KLHL32: variants seen among roughly 807,000 people sequenced by gnomAD.
KLHL32 encodes the protein kelch-like protein 32.
In KLHL32, 35 loss-of-function variants were observed where a neutral mutation model predicts 64.8. That is an observed-to-expected ratio of 0.54 (90% CI 0.41 to 0.72). The LOEUF (loss-of-function observed/expected upper bound fraction) is 0.72. KLHL32 is among the 30% of genes least tolerant of loss of function. KLHL32 has a pLI of 0.00. For synonymous variants in KLHL32, 259 were observed against 281.0 expected, an observed-to-expected ratio of 0.92 and a Z score of 0.78; for missense variants, 589 against 768.5, an observed-to-expected ratio of 0.77 and a Z score of 2.76.
intron 1 of KLHL32, among the ~76,000 whole-genome samples, chr6:96,946,866 T>C (rs1368645586): frequency 6.6e-6 from 1 of 152,050 alleles, no homozygotes; most frequent in Non-Finnish European, 1.5e-5. Flanking sequence ...AAATGAGAAA[T>C]GATGGTAAAA....
intron 8 of KLHL32, among the ~76,000 whole-genome samples, chr6:97,129,967 T>G (rs903078507): frequency 6.6e-6 from 1 of 152,116 alleles, no homozygotes; most frequent in Admixed American, 6.6e-5. Flanking sequence ...CTTTCCCAAT[T>G]TGGCAAAAGA....
chr6:97,116,067 G>A (rs566900462), intron 7 of KLHL32, among the ~76,000 whole-genome samples: 135 of 152,228 alleles, frequency 8.9e-4, no homozygotes, highest in Non-Finnish European at 1.4e-3. Flanking sequence ...TCAGTTATTG[G>A]CAATTCACTG....
chr6:96,941,633 C>T (rs1179678980), intron 1 of KLHL32, among the ~76,000 whole-genome samples: 12 of 152,158 alleles, frequency 7.9e-5, no homozygotes, highest in South Asian at 2.1e-4. Context: ...ACGTAATCCA[C>T]GAAAGCCCCT....
At chr6:97,101,059 C>T (rs1206442214) in intron 6 of KLHL32, among the ~76,000 whole-genome samples, 2 of 149,914 alleles carry the variant, frequency 1.3e-5, no homozygotes, top group African/African-American at 2.5e-5. Context: ...CCTCCCACCT[C>T]GGCCTCCCAA....
At chr6:97,000,897 G>A (rs1287472901) in intron 3 of KLHL32, among the ~76,000 whole-genome samples, 1 of 152,124 alleles carries the variant, frequency 6.6e-6, no homozygotes, top group Non-Finnish European at 1.5e-5. Context: ...GGTGAAACTT[G>A]AATTTATATT....
intron 3 of KLHL32, among the ~76,000 whole-genome samples, chr6:96,991,408 T>G (rs1398701056): frequency 6.6e-6 from 1 of 151,750 alleles, no homozygotes; most frequent in Non-Finnish European, 1.5e-5. Context: ...GATGTCAGCA[T>G]AGCAACCAGG....
intron 3 of KLHL32, among the ~76,000 whole-genome samples, chr6:97,040,272 G>A (rs1211833619): frequency 6.6e-6 from 1 of 151,758 alleles, no homozygotes; most frequent in East Asian, 1.9e-4. Flanking sequence ...TATTTCTTAA[G>A]TCAAAGATTA....
At chr6:97,132,801 A>G in intron 10 of KLHL32, 54 bp downstream of exon 10, 1 of 1,237,882 alleles carries the variant, frequency 8.1e-7, no homozygotes, top group South Asian at 1.3e-5. Context: ...GCGAGGTTAC[A>G]TTTTGCAATG....
chr6:97,033,586 T>C (rs1158971094), intron 3 of KLHL32, among the ~76,000 whole-genome samples: 10 of 152,126 alleles, frequency 6.6e-5, no homozygotes, highest in Non-Finnish European at 1.5e-4. Context: ...TTTTAAATTT[T>C]TTTTAGTACC....
chr6:97,103,723 T>G (rs575166671), intron 6 of KLHL32, among the ~76,000 whole-genome samples: 12 of 152,336 alleles, frequency 7.9e-5, no homozygotes, highest in Admixed American at 3.3e-4. Flanking sequence ...CTTTCATACA[T>G]GCAAACATTC....
At chr6:97,082,527 G>A (rs975538630) in intron 5 of KLHL32, among the ~76,000 whole-genome samples, 6 of 151,858 alleles carry the variant, frequency 4.0e-5, no homozygotes, top group African/African-American at 1.5e-4. Context: ...GCAGGAGAAT[G>A]GCATGAACCC....
the KLHL32 span, among the ~76,000 whole-genome samples, chr6:96,907,990 C>T: frequency 1.4e-4 from 21 of 152,140 alleles, no homozygotes; most frequent in African/African-American, 5.1e-4. Flanking sequence ...TAGTGGACAC[C>T]TGGGGGAAAA....
At chr6:97,052,063 C>T (rs1787000253) in intron 4 of KLHL32, among the ~76,000 whole-genome samples, 1 of 152,212 alleles carries the variant, frequency 6.6e-6, no homozygotes, top group Non-Finnish European at 1.5e-5. Context: ...ATATAACATA[C>T]TTACACAAAT....
intron 10 of KLHL32, 122 bp from the exon 11 acceptor site, chr6:97,138,999 T>C (rs1800380599): frequency 1.2e-6 from 1 of 863,166 alleles, no homozygotes; most frequent in Admixed American, 2.8e-5. Flanking sequence ...AGAAAAAGAA[T>C]TCCTAAGATA....
At chr6:96,901,432 T>G in the KLHL32 span, among the ~76,000 whole-genome samples, 2 of 152,124 alleles carry the variant, frequency 1.3e-5, no homozygotes, top group African/African-American at 4.8e-5. Flanking sequence ...TTTCCTTCTC[T>G]GTGACTTTCC....
intron 4 of KLHL32, among the ~76,000 whole-genome samples, chr6:97,045,904 AG>A (rs1434681278): frequency 6.6e-6 from 1 of 152,260 alleles, no homozygotes; most frequent in Non-Finnish European, 1.5e-5. Context: ...CATATGCCTT[AG>A]GTGCTTAAAT....
chr6:97,129,230 T>A (rs556345583), intron 8 of KLHL32, among the ~76,000 whole-genome samples: 3 of 152,346 alleles, frequency 2.0e-5, no homozygotes, highest in Admixed American at 2.0e-4. Flanking sequence ...TGTTGTTGTG[T>A]CTTGCTTCTT....
At chr6:97,093,967 A>C (rs1220998934) in intron 6 of KLHL32, among the ~76,000 whole-genome samples, 1 of 152,198 alleles carries the variant, frequency 6.6e-6, no homozygotes, top group Non-Finnish European at 1.5e-5. Context: ...TTGAGACCAG[A>C]GATTGGATGG....
At chr6:96,928,826 A>G (rs562652228) in intron 1 of KLHL32, among the ~76,000 whole-genome samples, 19 of 152,302 alleles carry the variant, frequency 1.2e-4, no homozygotes, top group Non-Finnish European at 2.5e-4. Context: ...GTAGAGTCAT[A>G]GACTTGGAGG....
Sources: gnomAD v4.1 joint callset for allele counts (sites outside exome capture counted in the v4.1 genomes callset) on GRCh38, gnomAD v4.1.1 for gene constraint, MANE v1.5 for transcripts, NCBI Gene and HGNC (gene_info 2026-07-23, HGNC 2026-07-21) for gene names.